The following ZMAT4 variants were observed in gnomAD, a reference collection of about 807,000 sequenced individuals.
The protein encoded by ZMAT4 is zinc finger matrin-type 4.
A neutral mutation model predicts 28.7 loss-of-function variants in ZMAT4; 17 were observed. The observed-to-expected ratio is 0.59, with a 90% confidence interval of 0.41 to 0.89. The LOEUF (loss-of-function observed/expected upper bound fraction) is 0.89, where lower values mean the gene tolerates loss of function less well. ZMAT4 is among the 40% of genes least tolerant of loss of function. The pLI is 0.00. For synonymous variants in ZMAT4, 117 were observed against 109.2 expected, an observed-to-expected ratio of 1.07 and a Z score of -0.44; for missense variants, 240 against 283.8, an observed-to-expected ratio of 0.85 and a Z score of 1.11.
intron 5 of ZMAT4, among the ~76,000 whole-genome samples, chr8:40,626,002 C>T (rs1024951087): frequency 2.6e-5 from 4 of 151,362 alleles, no homozygotes; most frequent in Admixed American, 1.3e-4. Flanking sequence ...CCCAGCTACT[C>T]GGGAGGCTGA....
chr8:40,892,170 T>C (rs1275222861), intron 1 of ZMAT4, among the ~76,000 whole-genome samples: 1 of 152,194 alleles, frequency 6.6e-6, no homozygotes, highest in East Asian at 1.9e-4. Flanking sequence ...CCCAGAGTGA[T>C]CCCATGCTAT....
At chr8:40,561,876 G>T (rs1803753879) in intron 6 of ZMAT4, among the ~76,000 whole-genome samples, 1 of 152,148 alleles carries the variant, frequency 6.6e-6, no homozygotes, top group African/African-American at 2.4e-5. Flanking sequence ...GAAGCTAAAA[G>T]ATTGGACACC....
intron 2 of ZMAT4, among the ~76,000 whole-genome samples, chr8:40,778,187 C>T (rs1353205557): frequency 6.6e-6 from 1 of 152,188 alleles, no homozygotes; most frequent in Non-Finnish European, 1.5e-5. Context: ...TTCTCCATCT[C>T]TCATCAAATT....
At position 40,675,375 on chromosome 8, in the gene ZMAT4, A is replaced by G. The variant is rs112885800; in HGVS notation, c.350-444T>C. Reference sequence around the variant, plus strand: ...ATTGGCATTTAGAGAAAAAAAATGTAGTAAAATACAGGGGACAAGCTCAAT... The same window carrying G: ...ATTGGCATTTAGAGAAAAAAAATGTGGTAAAATACAGGGGACAAGCTCAAT... On this transcript the variant is annotated intron_variant, in intron 4 of 6. Transcript: ENST00000297737. Among the ~76,000 whole-genome samples, 849 of 151,842 alleles carry G rather than the reference A, an allele frequency of 5.6e-3. 4 individuals are homozygous for G. The highest frequency in any genetic ancestry group is 0.024 in the Middle Eastern group (7 of 294).
chr8:40,676,565 G>T (rs1056647458), intron 4 of ZMAT4, among the ~76,000 whole-genome samples: 1 of 151,960 alleles, frequency 6.6e-6, no homozygotes, highest in African/African-American at 2.4e-5. Context: ...AAGCTTTCAG[G>T]TAACTTTTAG....
At chr8:40,587,688 A>G (rs1433491096) in intron 5 of ZMAT4, among the ~76,000 whole-genome samples, 1 of 152,132 alleles carries the variant, frequency 6.6e-6, no homozygotes, top group Non-Finnish European at 1.5e-5. Context: ...AATAAGGCAG[A>G]AAAGAAGGAA....
At chr8:40,687,163 T>C (rs533541392) in intron 4 of ZMAT4, among the ~76,000 whole-genome samples, 13 of 152,164 alleles carry the variant, frequency 8.5e-5, no homozygotes, top group African/African-American at 9.7e-5. Flanking sequence ...AAGTATATGA[T>C]GCAGGATAAA....
chr8:40,639,204 T>C (rs992723605), intron 5 of ZMAT4, among the ~76,000 whole-genome samples: 3 of 152,244 alleles, frequency 2.0e-5, no homozygotes, highest in Non-Finnish European at 4.4e-5. Flanking sequence ...TGGTTTTTTT[T>C]AGCTTTTTAA....
chr8:40,664,150 A>C (rs1293349030), intron 5 of ZMAT4, among the ~76,000 whole-genome samples: 1 of 152,156 alleles, frequency 6.6e-6, no homozygotes, highest in Admixed American at 6.5e-5. Context: ...TCTAACAAAT[A>C]GAATGTGTGG....
intron 4 of ZMAT4, among the ~76,000 whole-genome samples, chr8:40,686,758 T>A (rs1809426957): frequency 6.6e-6 from 1 of 152,178 alleles, no homozygotes; most frequent in Admixed American, 6.5e-5. Context: ...TGGTGGGTTA[T>A]TTTACCTACA....
intron 5 of ZMAT4, among the ~76,000 whole-genome samples, chr8:40,615,655 T>C (rs1260560865): frequency 6.6e-6 from 1 of 152,200 alleles, no homozygotes; most frequent in African/African-American, 2.4e-5. Flanking sequence ...TAAACTTCTC[T>C]TCTCGCTTCA....
intron 1 of ZMAT4, among the ~76,000 whole-genome samples, chr8:40,834,738 A>G (rs114044710): frequency 0.015 from 2,317 of 152,274 alleles, 62 homozygotes; most frequent in African/African-American, 0.052. Flanking sequence ...TGGCAGGCCC[A>G]CGTGTCATCC....
At chr8:40,645,819 ATAAAG>A (rs1807279262) in intron 5 of ZMAT4, among the ~76,000 whole-genome samples, 2 of 152,160 alleles carry the variant, frequency 1.3e-5, no homozygotes, top group Admixed American at 6.5e-5. Flanking sequence ...TAAATCATCC[ATAAAG>A]TATAGTATTC....
intron 3 of ZMAT4, among the ~76,000 whole-genome samples, chr8:40,702,574 A>G (rs1810193697): frequency 6.6e-6 from 1 of 152,228 alleles, no homozygotes; most frequent in Non-Finnish European, 1.5e-5. Flanking sequence ...TAGAAATTTA[A>G]TCCCCAAACA....
At chr8:40,632,681 G>C (rs560475801) in intron 5 of ZMAT4, among the ~76,000 whole-genome samples, 1 of 152,304 alleles carries the variant, frequency 6.6e-6, no homozygotes, top group African/African-American at 2.4e-5. Context: ...CCTGCAGAGG[G>C]AGCACAGCCC....
chr8:40,658,637 C>CACAT (rs1808042958), intron 5 of ZMAT4, among the ~76,000 whole-genome samples: 1 of 150,216 alleles, frequency 6.7e-6, no homozygotes, highest in East Asian at 2.0e-4. Flanking sequence ...CACACACACA[C>CACAT]ACACACACAC....
chr8:40,800,268 G>A (rs952028087), intron 2 of ZMAT4, among the ~76,000 whole-genome samples: 18 of 152,170 alleles, frequency 1.2e-4, no homozygotes, highest in Non-Finnish European at 7.3e-5. Flanking sequence ...GAACTTCAAG[G>A]AGAAATAAAC....
At chr8:40,689,839 G>T (rs568995156) in intron 4 of ZMAT4, among the ~76,000 whole-genome samples, 6 of 152,012 alleles carry the variant, frequency 3.9e-5, no homozygotes, top group African/African-American at 1.4e-4. Context: ...GTATGTCAAA[G>T]AATATTTTCT....
intron 3 of ZMAT4, among the ~76,000 whole-genome samples, chr8:40,700,126 C>T (rs535601459): frequency 6.6e-6 from 1 of 152,188 alleles, no homozygotes; most frequent in African/African-American, 2.4e-5. Flanking sequence ...TGACTCCATG[C>T]CCTGTTATCA....
Sources: gnomAD v4.1 joint callset for allele counts (sites outside exome capture counted in the v4.1 genomes callset) on GRCh38, gnomAD v4.1.1 for gene constraint, MANE v1.5 for transcripts, NCBI Gene and HGNC (gene_info 2026-07-23, HGNC 2026-07-21) for gene names.